The following KDM2B variants were observed in gnomAD, a reference collection of about 807,000 sequenced individuals.
The protein encoded by KDM2B is lysine-specific demethylase 2B.
Under a neutral mutation model 150.0 loss-of-function variants are expected in KDM2B, and 26 were observed. The ratio of observed to expected loss-of-function variants is 0.17; its 90% CI spans 0.13 to 0.24. The LOEUF is 0.24. KDM2B is among the 10% of genes least tolerant of loss of function. KDM2B has a pLI of 1.00. For synonymous variants in KDM2B, 734 were observed against 729.5 expected (o/e 1.01, Z -0.10); for missense variants, 1,265 against 1,816.9 (o/e 0.70, Z 5.52).
Position 121,467,357 on chromosome 12 carries a change from G to C in KDM2B, c.1735-14013C>G, listed in dbSNP as rs1307601700. 2 of 981,358 alleles carry C rather than the reference G, an allele frequency of 2.0e-6. No individual in the cohort carries two copies. The highest frequency in any genetic ancestry group is 2.4e-6 in the Non-Finnish European group (2 of 828,228). 60.8% of individuals were successfully genotyped at this position (981,358 alleles called of 1,614,324 possible). A position where few individuals can be genotyped will look rare whatever the true frequency, so the allele number is the denominator to read the frequency against. Reference sequence around the variant, plus strand: ...GCTGCCGCGAGGAGGGAGCCGCGCCGCGCGCCTCGCACGCCCGCGCTGGAG... The same window carrying C: ...GCTGCCGCGAGGAGGGAGCCGCGCCCCGCGCCTCGCACGCCCGCGCTGGAG... On this transcript the variant is annotated intron_variant, in intron 12 of 22. Transcript: ENST00000377071. The surrounding 1 kb of genome is among the most constrained non-coding windows in gnomAD (Gnocchi z 5.1).
Position 121,441,092 on chromosome 12 carries a change from G to A in KDM2B, c.3426C>T (p.Ser1142=). 1 of 1,614,194 alleles carries A rather than the reference G, an allele frequency of 6.2e-7. No homozygotes were observed. The highest frequency in any genetic ancestry group is 8.5e-7 in the Non-Finnish European group (1 of 1,180,026). ...SWTNISKKQL[S]WLINRLPGLR... ...CACCAGGCAGCCGGTTGATGAGCCA[G>A]CTCAGCTGCTTCTTGGAGATATTGG... The change falls in exon 20 of 23, where the codon AGC becomes AGT. Residue 1142 remains serine (S), a synonymous_variant. Transcript: ENST00000377071.
At chr12:121,552,252 G>A (rs782189818) in intron 4 of KDM2B, among the ~76,000 whole-genome samples, 18 of 152,142 alleles carry the variant, frequency 1.2e-4, no homozygotes, top group Non-Finnish European at 2.2e-4. Context: ...CAACTAACTC[G>A]CCCAGGAATG....
At position 121,452,656 on chromosome 12, in the gene KDM2B, C is replaced by A. The variant is rs1877493683; in HGVS notation, c.1959+464G>T. On this transcript the variant is annotated intron_variant, in intron 13 of 22. Coordinates refer to ENST00000377071, the MANE Select transcript of KDM2B (RefSeq NM_032590.5). This position sits in a 1 kb window ranked among gnomAD's most constrained non-coding sequence, Gnocchi z 4.4. ...GAGACCAGCGGCGCGGGGCCACTGC[C>A]GGAGCTGAGGCCAGGCGGTGTGGAG... 6.6e-6 allele frequency among the ~76,000 whole-genome samples: 1 copy of A among 152,246 alleles called. No individual in the cohort carries two copies. Among genetic ancestry groups the A allele is most frequent in the South Asian group, 2.1e-4 (1 of 4,836 alleles).
At position 121,454,451 on chromosome 12, in the gene KDM2B, C is replaced by T. The variant is rs376228496; in HGVS notation, c.1735-1107G>A. Among the ~76,000 whole-genome samples, 7 of 152,142 alleles carry T rather than the reference C, an allele frequency of 4.6e-5. No individual in the cohort carries two copies. The East Asian group carries it at 1.2e-3, about 25-fold the overall frequency. On this transcript the variant is annotated intron_variant, in intron 12 of 22. Transcript: ENST00000377071. ...AGCCAGGAAAATGGGACAGCCACAG[C>T]CCCTGCCCTCTGGTTCCCAGCCCCA...
At chr12:121,576,609 T>G (rs1891510556) in intron 2 of KDM2B, among the ~76,000 whole-genome samples, 1 of 152,132 alleles carries the variant, frequency 6.6e-6, no homozygotes. Flanking sequence ...GTTTTTCTAG[T>G]ACAGTCCCCA....
At chr12:121,420,316 A>G in the KDM2B span, 1 of 1,574,206 alleles carries the variant, frequency 6.4e-7, no homozygotes, top group South Asian at 1.2e-5. Flanking sequence ...ATGATGAAGA[A>G]GAAAACGCAG....
At chr12:121,571,585 C>T (rs781094352) in intron 4 of KDM2B, among the ~76,000 whole-genome samples, 5 of 151,978 alleles carry the variant, frequency 3.3e-5, no homozygotes, top group East Asian at 1.9e-4. Flanking sequence ...TGAGCCACCG[C>T]GCCCAACCAA....
chr12:121,412,228 A>ATTTT, the KDM2B span, among the ~76,000 whole-genome samples: 2 of 124,950 alleles, frequency 1.6e-5, no homozygotes, highest in African/African-American at 6.7e-5. Flanking sequence ...TGCCCAACTA[A>ATTTT]TCTTTTTTTT....
At chr12:121,421,073 G>C in the KDM2B span, among the ~76,000 whole-genome samples, 3 of 152,022 alleles carry the variant, frequency 2.0e-5, no homozygotes, top group African/African-American at 7.3e-5. Context: ...CCTCGTCTCT[G>C]TAAAAATGCT....
At chr12:121,534,327 C>T (rs548741331) in intron 7 of KDM2B, among the ~76,000 whole-genome samples, 170 bp downstream of exon 7, 77 of 148,034 alleles carry the variant, frequency 5.2e-4, no homozygotes, top group Admixed American at 1.2e-3. Flanking sequence ...CCAGCCTGGG[C>T]GACAGAGCGA....
At chr12:121,551,973 C>G (rs1404775112) in intron 4 of KDM2B, among the ~76,000 whole-genome samples, 1 of 152,166 alleles carries the variant, frequency 6.6e-6, no homozygotes, top group Non-Finnish European at 1.5e-5. Context: ...CTTTTGGGTT[C>G]AAGATCTAAA....
chr12:121,412,337 T>G, the KDM2B span, among the ~76,000 whole-genome samples: 3 of 149,576 alleles, frequency 2.0e-5, no homozygotes, highest in Non-Finnish European at 4.4e-5. Flanking sequence ...CCTCCCGGGT[T>G]CACGCCATTC....
intron 12 of KDM2B, among the ~76,000 whole-genome samples, chr12:121,475,402 C>G (rs1018741864): frequency 4.0e-5 from 6 of 151,806 alleles, no homozygotes; most frequent in African/African-American, 1.5e-4. Flanking sequence ...CCAGCCTGGG[C>G]AACACACTGA....
chr12:121,478,687 C>G (rs191014694), intron 12 of KDM2B, among the ~76,000 whole-genome samples: 1 of 151,422 alleles, frequency 6.6e-6, no homozygotes, highest in Non-Finnish European at 1.5e-5. Context: ...TGGGCTCAGG[C>G]TCTGTTTTTT....
At chr12:121,580,113 G>C (rs1466461428) in intron 1 of KDM2B, 2 of 1,576,352 alleles carry the variant, frequency 1.3e-6, no homozygotes, top group Admixed American at 2.1e-5. Context: ...TTTGGCCGAG[G>C]GGGGAAGGAG....
chr12:121,544,192 C>T (rs1888838776), intron 6 of KDM2B, among the ~76,000 whole-genome samples: 1 of 150,942 alleles, frequency 6.6e-6, no homozygotes, highest in Non-Finnish European at 1.5e-5. Context: ...AGGAGGATCA[C>T]TCAGGAAGCT....
chr12:121,440,320 T>C (rs1239790230), intron 21 of KDM2B: 1 of 536,778 alleles, frequency 1.9e-6, no homozygotes, highest in South Asian at 2.1e-5. Context: ...TTCCACCCAG[T>C]AGTCATCAGC....
intron 4 of KDM2B, among the ~76,000 whole-genome samples, chr12:121,568,904 G>C (rs1890900327): frequency 6.8e-6 from 1 of 148,092 alleles, no homozygotes; most frequent in Non-Finnish European, 1.5e-5. Context: ...GCTGGGAACA[G>C]ACTGCTGATG....
At chr12:121,469,663 A>AC (rs1188255410) in intron 12 of KDM2B, 1 of 150,710 alleles carries the variant, frequency 6.6e-6, no homozygotes, top group Non-Finnish European at 1.5e-5. Flanking sequence ...TTTGTATCTG[A>AC]CCTCTTGCTG....
Sources: gnomAD v4.1 joint callset for allele counts (sites outside exome capture counted in the v4.1 genomes callset) on GRCh38, gnomAD v4.1.1 for gene constraint, Gnocchi (gnomAD v3.1) non-coding constraint, MANE v1.5 for transcripts, NCBI Gene and HGNC (gene_info 2026-07-23, HGNC 2026-07-21) for gene names.